Variants in GPC5 observed in about 807,000 individuals in gnomAD.
GPC5 encodes glypican 5.
Under a neutral mutation model 53.9 loss-of-function variants are expected in GPC5, and 47 were observed. That is an observed-to-expected ratio of 0.87 (90% CI 0.69 to 1.11). The LOEUF is 1.11. Among genes scored for constraint, GPC5 ranks in the 50% most tolerant of loss-of-function variants. GPC5 has a pLI of 0.00. For missense variants in GPC5, 748 were observed against 713.1 expected, an observed-to-expected ratio of 1.05 and a Z score of -0.56; for synonymous variants, 286 against 263.3, an observed-to-expected ratio of 1.09 and a Z score of -0.84.
chr13:91,682,023 T>A (rs184285573), intron 2 of GPC5, among the ~76,000 whole-genome samples: 133 of 152,276 alleles, frequency 8.7e-4, no homozygotes, highest in African/African-American at 3.1e-3. Flanking sequence ...AAAATGATAG[T>A]ACGATATGTG....
intron 7 of GPC5, among the ~76,000 whole-genome samples, chr13:92,294,246 G>A (rs2043017979): frequency 6.6e-6 from 1 of 152,084 alleles, no homozygotes; most frequent in African/African-American, 2.4e-5. Flanking sequence ...TTTATCTTGT[G>A]GAATACTGTC....
At chr13:91,621,871 G>A (rs540261529) in intron 2 of GPC5, among the ~76,000 whole-genome samples, 1,506 of 150,252 alleles carry the variant, frequency 0.01, 13 homozygotes, top group Non-Finnish European at 0.016. Flanking sequence ...GAAGAGCAAG[G>A]AAGCCAGTCC....
intron 6 of GPC5, among the ~76,000 whole-genome samples, chr13:92,054,411 G>C (rs1304115223): frequency 6.6e-6 from 1 of 152,056 alleles, no homozygotes; most frequent in African/African-American, 2.4e-5. Flanking sequence ...ATATCAGCAA[G>C]CATTTATTGA....
At chr13:92,702,905 C>T (rs989050272) in intron 7 of GPC5, among the ~76,000 whole-genome samples, 1 of 151,804 alleles carries the variant, frequency 6.6e-6, no homozygotes, top group Non-Finnish European at 1.5e-5. Context: ...CTCCCCCAAC[C>T]CGGCATATTC....
At chr13:91,436,083 C>G (rs1358667691) in intron 1 of GPC5, among the ~76,000 whole-genome samples, 4 of 152,158 alleles carry the variant, frequency 2.6e-5, no homozygotes, top group African/African-American at 9.7e-5. Context: ...GTCTTTTCTT[C>G]TTTATTAGTC....
At chr13:92,826,678 T>C (rs777837028) in intron 7 of GPC5, among the ~76,000 whole-genome samples, 16 of 152,188 alleles carry the variant, frequency 1.1e-4, no homozygotes, top group Non-Finnish European at 2.2e-4. Context: ...TACTTAGTTT[T>C]ACCATAAGGG....
intron 2 of GPC5, among the ~76,000 whole-genome samples, chr13:91,575,134 G>T (rs1271678964): frequency 6.6e-6 from 1 of 152,122 alleles, no homozygotes; most frequent in Non-Finnish European, 1.5e-5. Flanking sequence ...CACTTCTGAA[G>T]TTTTAGTTTC....
chr13:92,019,866 T>G (rs2040742212), intron 6 of GPC5, among the ~76,000 whole-genome samples: 1 of 152,130 alleles, frequency 6.6e-6, no homozygotes, highest in South Asian at 2.1e-4. Flanking sequence ...ATTCATTAGT[T>G]TTCTATTTGG....
chr13:91,403,178 C>T (rs553679730), intron 1 of GPC5, among the ~76,000 whole-genome samples: 64 of 152,326 alleles, frequency 4.2e-4, no homozygotes, highest in African/African-American at 1.4e-3. Flanking sequence ...TGGGACCCGT[C>T]GTCTGACATT....
chr13:92,793,395 G>A (rs1034954878), intron 7 of GPC5, among the ~76,000 whole-genome samples: 1 of 152,128 alleles, frequency 6.6e-6, no homozygotes, highest in African/African-American at 2.4e-5. Context: ...AGTGTGTGCA[G>A]GGACATTTAT....
At chr13:92,830,843 T>C (rs1005347886) in intron 7 of GPC5, among the ~76,000 whole-genome samples, 2 of 152,158 alleles carry the variant, frequency 1.3e-5, no homozygotes, top group Non-Finnish European at 2.9e-5. Flanking sequence ...TTAATCTGTT[T>C]TAGGGTAAAT....
At chr13:91,916,849 A>C in intron 6 of GPC5, among the ~76,000 whole-genome samples, 1 of 151,600 alleles carries the variant, frequency 6.6e-6, no homozygotes, top group Non-Finnish European at 1.5e-5. Flanking sequence ...ATCAGAAACC[A>C]CCCCCTTGAT....
intron 4 of GPC5, among the ~76,000 whole-genome samples, chr13:91,738,687 G>A (rs1256761253): frequency 6.6e-6 from 1 of 150,532 alleles, no homozygotes; most frequent in Admixed American, 6.6e-5. Flanking sequence ...TTCTCTTAAT[G>A]GTTATTATAG....
intron 7 of GPC5, among the ~76,000 whole-genome samples, chr13:92,732,114 A>G (rs1385297839): frequency 6.6e-6 from 1 of 151,472 alleles, no homozygotes; most frequent in African/African-American, 2.4e-5. Flanking sequence ...AGATTAGAAG[A>G]AAAATACTAG....
chr13:92,009,253 C>CGTGTGT (rs3059952), intron 6 of GPC5, among the ~76,000 whole-genome samples: 8,141 of 139,748 alleles, frequency 0.058, 400 homozygotes, highest in African/African-American at 0.13. Context: ...GCTGGATTTT[C>CGTGTGT]GTGTGTGTGT....
intron 6 of GPC5, among the ~76,000 whole-genome samples, chr13:91,946,825 G>A (rs1932995922): frequency 6.6e-6 from 1 of 152,118 alleles, no homozygotes. Flanking sequence ...GCTTGGCCTG[G>A]TACCTTAGGC....
intron 2 of GPC5, among the ~76,000 whole-genome samples, chr13:91,474,935 T>C (rs938178576): frequency 5.3e-5 from 8 of 152,230 alleles, no homozygotes; most frequent in African/African-American, 1.9e-4. Context: ...GATAATATAT[T>C]AATGCTCTGG....
chr13:92,022,264 G>T (rs978695190), intron 6 of GPC5, among the ~76,000 whole-genome samples: 1 of 152,310 alleles, frequency 6.6e-6, no homozygotes, highest in African/African-American at 2.4e-5. Context: ...GCATCCCAAA[G>T]TGCTAGGATT....
chr13:92,698,204 T>C (rs1231939079), intron 7 of GPC5, among the ~76,000 whole-genome samples: 2 of 152,128 alleles, frequency 1.3e-5, no homozygotes, highest in Non-Finnish European at 2.9e-5. Flanking sequence ...TTAGGGTACA[T>C]GTGCACAACG....
Sources: allele counts gnomAD v4.1 joint callset (sites outside exome capture counted in the v4.1 genomes callset), GRCh38; gene constraint gnomAD v4.1.1; transcripts MANE v1.5; gene names NCBI Gene and HGNC (gene_info 2026-07-23, HGNC 2026-07-21).